RALGPS1: variants seen among roughly 807,000 people sequenced by gnomAD.
RALGPS1 encodes the protein ras-specific guanine nucleotide-releasing factor RalGPS1.
In RALGPS1, 19 loss-of-function variants were observed where a neutral mutation model predicts 78.8. That is an observed-to-expected ratio of 0.24 (90% CI 0.17 to 0.35). The LOEUF (loss-of-function observed/expected upper bound fraction) is 0.35, where lower values mean the gene tolerates loss of function less well. RALGPS1 is among the 10% of genes least tolerant of loss of function. RALGPS1 has a pLI of 1.00. For synonymous variants in RALGPS1, 228 were observed against 256.3 expected (o/e 0.89, Z 1.06); for missense variants, 454 against 688.3 (o/e 0.66, Z 3.81).
intron 7 of RALGPS1, among the ~76,000 whole-genome samples, chr9:127,057,361 A>G (rs774793033): frequency 6.6e-6 from 1 of 152,198 alleles, no homozygotes; most frequent in Non-Finnish European, 1.5e-5. Context: ...GAAGGGAGTT[A>G]CAGGTGTGGG....
intron 6 of RALGPS1, 152 bp from the exon 7 acceptor site, chr9:127,052,695 G>T: frequency 1.6e-6 from 1 of 617,414 alleles, no homozygotes. Flanking sequence ...AAAAGCATAT[G>T]GTTTCTATGA....
chr9:127,052,052 G>A (rs1309662092), intron 6 of RALGPS1, among the ~76,000 whole-genome samples: 1 of 152,182 alleles, frequency 6.6e-6, no homozygotes, highest in African/African-American at 2.4e-5. Context: ...CAGAAGTGCC[G>A]TGATTGCCTT....
chr9:127,060,688 C>T (rs532014907), intron 7 of RALGPS1, among the ~76,000 whole-genome samples: 1 of 152,234 alleles, frequency 6.6e-6, no homozygotes, highest in Admixed American at 6.5e-5. Flanking sequence ...GTCTCTGGGC[C>T]ACCCTCACAC....
chr9:127,133,445 C>T (rs759740903), intron 8 of RALGPS1, among the ~76,000 whole-genome samples: 6 of 152,244 alleles, frequency 3.9e-5, no homozygotes, highest in South Asian at 4.1e-4. Context: ...GAGAGCATGC[C>T]GAGGTGGCGT....
chr9:126,933,133 G>A (rs943173115), intron 1 of RALGPS1, among the ~76,000 whole-genome samples: 1 of 152,174 alleles, frequency 6.6e-6, no homozygotes, highest in African/African-American at 2.4e-5. Flanking sequence ...CGGCGCTGGT[G>A]TGGCATCCAA....
At chr9:127,215,510 G>A (rs940196500) in intron 18 of RALGPS1, among the ~76,000 whole-genome samples, 1 of 152,230 alleles carries the variant, frequency 6.6e-6, no homozygotes, top group Non-Finnish European at 1.5e-5. Context: ...GTTTTATGCT[G>A]AGGGTCCTGA....
chr9:126,948,713 T>C (rs2037512618), intron 1 of RALGPS1, among the ~76,000 whole-genome samples: 1 of 152,014 alleles, frequency 6.6e-6, no homozygotes, highest in African/African-American at 2.4e-5. Context: ...GGCTGCCTGT[T>C]TGTGCCGGCC....
At chr9:127,193,924 T>C (rs1459547697) in intron 11 of RALGPS1, among the ~76,000 whole-genome samples, 1 of 152,204 alleles carries the variant, frequency 6.6e-6, no homozygotes, top group Non-Finnish European at 1.5e-5. Context: ...AAGACCTCCC[T>C]TCCCAAGCCA....
chr9:127,094,053 G>T (rs2052821566), intron 8 of RALGPS1: 1 of 1,068,396 alleles, frequency 9.4e-7, no homozygotes, highest in Non-Finnish European at 1.3e-6. Flanking sequence ...ACGGTCTGAG[G>T]TAACCAATTT....
chr9:127,190,646 C>T (rs1437495991), intron 11 of RALGPS1, among the ~76,000 whole-genome samples: 1 of 152,208 alleles, frequency 6.6e-6, no homozygotes, highest in East Asian at 1.9e-4. Flanking sequence ...TATTTCCCTA[C>T]TGATTGGCAT....
At chr9:126,948,978 C>T (rs1480804083) in intron 1 of RALGPS1, among the ~76,000 whole-genome samples, 1 of 151,960 alleles carries the variant, frequency 6.6e-6, no homozygotes, top group East Asian at 1.9e-4. Flanking sequence ...ACCCCCACCC[C>T]ACAACAGTCC....
chr9:127,105,753 A>G (rs1339814378), intron 8 of RALGPS1, among the ~76,000 whole-genome samples: 1 of 152,154 alleles, frequency 6.6e-6, no homozygotes, highest in East Asian at 1.9e-4. Flanking sequence ...ACTAGAAATC[A>G]TGGGCATTGG....
At chr9:127,001,442 G>C (rs953235868) in intron 4 of RALGPS1, among the ~76,000 whole-genome samples, 27 of 152,016 alleles carry the variant, frequency 1.8e-4, no homozygotes, top group African/African-American at 6.5e-4. Context: ...GGTTGGTTTA[G>C]GGTTTTTAGT....
intron 4 of RALGPS1, among the ~76,000 whole-genome samples, chr9:126,998,215 C>T (rs1243128020): frequency 1.3e-5 from 2 of 152,218 alleles, no homozygotes; most frequent in Non-Finnish European, 2.9e-5. Context: ...AAAGAAACTA[C>T]CATCAGAGTG....
chr9:127,030,886 T>A (rs1302478550), intron 4 of RALGPS1, among the ~76,000 whole-genome samples: 1 of 152,134 alleles, frequency 6.6e-6, no homozygotes, highest in Non-Finnish European at 1.5e-5. Flanking sequence ...TTTCTTCTCA[T>A]AGCATCTGTT....
At position 126,976,292 on chromosome 9, in the gene RALGPS1, C is replaced by T. The variant is rs148129184; in HGVS notation, c.166-1403C>T. On this transcript the variant is annotated intron_variant, in intron 3 of 18. Transcript: ENST00000259351. The stretch of plus-strand genomic sequence containing the variant: ...CTTCCATTTTGACACACACACACCC[C>T]CTTACACTCAACACTCATTCTCACA... Among the ~76,000 whole-genome samples, 1,076 of 149,224 alleles carry T rather than the reference C, an allele frequency of 7.2e-3. 7 individuals are homozygous for T. Among genetic ancestry groups the T allele is most frequent in the Non-Finnish European group, 0.011 (748 of 67,152 alleles).
intron 8 of RALGPS1, among the ~76,000 whole-genome samples, chr9:127,130,609 T>C (rs941937977): frequency 2.6e-5 from 4 of 152,216 alleles, no homozygotes; most frequent in South Asian, 2.1e-4. Flanking sequence ...CCTTTTAACA[T>C]AGTGGAAAGC....
In RALGPS1 at chr9:127,062,133, T is replaced by C. The variant is rs1253954190; in HGVS notation, c.484-7097T>C. On this transcript the variant is annotated intron_variant, in intron 7 of 18. Transcript: ENST00000259351. The stretch of plus-strand genomic sequence containing the variant: ...TTTGTTTTGAGACGGAGTCTCGCTC[T>C]GTCACCCAGGCTGGAGTGCAGTGGC... 2.6e-5 allele frequency among the ~76,000 whole-genome samples: 4 copies of C among 152,336 alleles called. No individual in the cohort carries two copies. In the East Asian group the frequency reaches 5.8e-4, roughly 22 times the overall value.
intron 1 of RALGPS1, among the ~76,000 whole-genome samples, chr9:126,934,897 A>G (rs1206935285): frequency 6.6e-6 from 1 of 152,040 alleles, no homozygotes; most frequent in Non-Finnish European, 1.5e-5. Context: ...TCAGACCCTT[A>G]ATCAGAAAGG....
Sources: gnomAD v4.1 joint callset for allele counts (sites outside exome capture counted in the v4.1 genomes callset) on GRCh38, gnomAD v4.1.1 for gene constraint, MANE v1.5 for transcripts, NCBI Gene and HGNC (gene_info 2026-07-23, HGNC 2026-07-21) for gene names.